Variants in KPNA4 observed in about 807,000 individuals in gnomAD.
The protein encoded by KPNA4 is karyopherin subunit alpha 4.
A neutral mutation model predicts 71.3 loss-of-function variants in KPNA4; 13 were observed. That is an observed-to-expected ratio of 0.18 (90% confidence interval 0.12 to 0.29). The LOEUF (loss-of-function observed/expected upper bound fraction) is 0.29, where lower values mean the gene tolerates loss of function less well. KPNA4 is among the 10% of genes least tolerant of loss of function. The pLI, the probability that KPNA4 is intolerant of heterozygous loss-of-function variation, is 1.00. For synonymous variants in KPNA4, 189 were observed against 195.2 expected (o/e 0.97, Z 0.26); for missense variants, 334 against 603.2 (o/e 0.55, Z 4.67).
chr3:160,514,305 T>A, intron 12 of KPNA4, 124 bp from the exon 13 acceptor site: 2 of 605,664 alleles, frequency 3.3e-6, no homozygotes, highest in East Asian at 7.1e-5. Context: ...ATAATAAAAA[T>A]CTCAGGAATC....
At chr3:160,560,331 G>T (rs1420037257) in intron 1 of KPNA4, among the ~76,000 whole-genome samples, 1 of 152,050 alleles carries the variant, frequency 6.6e-6, no homozygotes, top group Non-Finnish European at 1.5e-5. Flanking sequence ...AAGATTGAGA[G>T]AAATGTGAAT....
At chr3:160,506,990 C>T (rs1720996296) in intron 15 of KPNA4, among the ~76,000 whole-genome samples, 1 of 152,144 alleles carries the variant, frequency 6.6e-6, no homozygotes, top group Admixed American at 6.6e-5. Flanking sequence ...TTTTCAACTT[C>T]TGTCAGAAAT....
At chr3:160,559,528 C>T (rs781525663) in intron 1 of KPNA4, among the ~76,000 whole-genome samples, 2 of 152,164 alleles carry the variant, frequency 1.3e-5, no homozygotes, top group Non-Finnish European at 2.9e-5. Context: ...GTAAATGTTA[C>T]ATCTGAAGTG....
intron 7 of KPNA4, among the ~76,000 whole-genome samples, chr3:160,530,350 A>G (rs536250395): frequency 6.6e-6 from 1 of 152,062 alleles, no homozygotes; most frequent in South Asian, 2.1e-4. Flanking sequence ...ACAGTGGCAC[A>G]TGCCTGTAGT....
chr3:160,500,139 T>A lies in KPNA4; in HGVS notation c.*1965A>T, dbSNP rs1020842174. 6.6e-6 allele frequency: 1 copy of A among 151,346 alleles called. No individual in the cohort carries two copies. Among genetic ancestry groups the A allele is most frequent in the Non-Finnish European group, 1.5e-5 (1 of 67,666 alleles). 9.4% of individuals were successfully genotyped at this position (151,346 alleles called of 1,614,324 possible). ...CTCTAACTTTATAAAAAAAAAAAAA[T>A]CCACACACCACACACACACACCCCA... On this transcript the variant is annotated 3_prime_UTR_variant, in exon 17 of 17. Transcript: ENST00000334256.
At chr3:160,554,198 T>C (rs924957048) in intron 1 of KPNA4, among the ~76,000 whole-genome samples, 1 of 152,236 alleles carries the variant, frequency 6.6e-6, no homozygotes, top group African/African-American at 2.4e-5. Flanking sequence ...TTAATATTAA[T>C]GTAACAGCTT....
chr3:160,521,046 G>A (rs893376447), intron 11 of KPNA4, among the ~76,000 whole-genome samples: 9 of 152,086 alleles, frequency 5.9e-5, no homozygotes, highest in African/African-American at 2.2e-4. Context: ...ATTTAAATAA[G>A]TGAAAAGCAA....
intron 7 of KPNA4, among the ~76,000 whole-genome samples, chr3:160,528,968 C>T (rs1721515499): frequency 6.6e-6 from 1 of 152,166 alleles, no homozygotes; most frequent in Non-Finnish European, 1.5e-5. Flanking sequence ...TACTCTGCTG[C>T]CCAGACTGGA....
rs1721023371 is a variant in KPNA4, at chr3:160,508,165, T to C, written c.1314A>G (p.Ile438Met). Residue 438 changes from isoleucine to methionine, a missense_variant, in exon 15 of 17, where the codon ATA becomes ATG. Physicochemically the swap from Ile to Met is conservative, Grantham distance 10. Coordinates refer to ENST00000334256, the MANE Select transcript of KPNA4 (RefSeq NM_002268.5). Reference protein sequence around the residue: ...VQVVLDGLSNILKMAEDEAET... With the variant: ...VQVVLDGLSNMLKMAEDEAET... Reference sequence around the variant, plus strand: ...CTGCCTCATCTTCAGCCATTTTTAATATATTACTTAGTCCATCGAGTACTA... The same window carrying C: ...CTGCCTCATCTTCAGCCATTTTTAACATATTACTTAGTCCATCGAGTACTA... 1 of 1,611,632 alleles carries C rather than the reference T, an allele frequency of 6.2e-7. No individual in the cohort carries two copies. The highest frequency in any genetic ancestry group is 8.5e-7 in the Non-Finnish European group (1 of 1,179,114).
intron 5 of KPNA4, 151 bp from the exon 6 acceptor site, chr3:160,531,708 C>T: frequency 2.4e-6 from 1 of 425,434 alleles, no homozygotes; most frequent in Non-Finnish European, 4.2e-6. Context: ...GCAACCTTTT[C>T]TCTAAATTTA....
At chr3:160,539,376 T>C (rs1019418545) in intron 1 of KPNA4, among the ~76,000 whole-genome samples, 15 of 152,226 alleles carry the variant, frequency 9.9e-5, no homozygotes, top group Non-Finnish European at 1.6e-4. Flanking sequence ...ATAATCATTA[T>C]AGCCTTATGA....
At chr3:160,548,411 C>G (rs1360350587) in intron 1 of KPNA4, among the ~76,000 whole-genome samples, 1 of 152,114 alleles carries the variant, frequency 6.6e-6, no homozygotes, top group Non-Finnish European at 1.5e-5. Context: ...CCAAAACTAT[C>G]CTGGTCTTGC....
intron 1 of KPNA4, among the ~76,000 whole-genome samples, chr3:160,543,287 T>C (rs1577059836): frequency 6.6e-6 from 1 of 152,246 alleles, no homozygotes; most frequent in East Asian, 1.9e-4. Context: ...ATTAATTCCT[T>C]CACTTGTAAA....
At chr3:160,547,813 G>A (rs1324214882) in intron 1 of KPNA4, among the ~76,000 whole-genome samples, 1 of 152,088 alleles carries the variant, frequency 6.6e-6, no homozygotes, top group Non-Finnish European at 1.5e-5. Context: ...GAAGTATAGA[G>A]TATACAGTCT....
chr3:160,530,013 T>G (rs1721540349), intron 7 of KPNA4, among the ~76,000 whole-genome samples: 1 of 151,276 alleles, frequency 6.6e-6, no homozygotes, highest in African/African-American at 2.4e-5. Flanking sequence ...TGGGCGCCTG[T>G]AGCCCCAGGT....
intron 11 of KPNA4, among the ~76,000 whole-genome samples, chr3:160,518,312 T>C (rs373205400): frequency 1.3e-5 from 2 of 151,278 alleles, no homozygotes; most frequent in South Asian, 2.1e-4. Flanking sequence ...ATTTTTTGTA[T>C]TTTTAGTAGA....
intron 16 of KPNA4, among the ~76,000 whole-genome samples, chr3:160,504,474 TA>T (rs1164866935): frequency 6.6e-6 from 1 of 152,200 alleles, no homozygotes; most frequent in Non-Finnish European, 1.5e-5. Flanking sequence ...AATCTGAAGA[TA>T]TTTTTGTATA....
At position 160,495,916 on chromosome 3, in the gene KPNA4, CT is replaced by C. The variant is rs10714139; in HGVS notation, c.*6187del. The C allele has an allele frequency of 0.21, 27,941 of 133,062 alleles. 2,760 individuals are homozygous for C. The highest frequency in any genetic ancestry group is 0.24 in the Non-Finnish European group (14,761 of 62,364). 8.2% of individuals were successfully genotyped at this position (133,062 alleles called of 1,614,324 possible). ...ACAATTATGAATCAAAAGATGGAGT[CT>C]TTTTTTTTTTTTTTTTAAGGTAAAT... On this transcript the variant is annotated 3_prime_UTR_variant, in exon 17 of 17. Coordinates refer to ENST00000334256, the MANE Select transcript of KPNA4 (RefSeq NM_002268.5).
chr3:160,563,221 A>G (rs180766648), intron 1 of KPNA4, among the ~76,000 whole-genome samples: 148 of 152,348 alleles, frequency 9.7e-4, no homozygotes, highest in African/African-American at 3.5e-3. Context: ...TGAAACATTG[A>G]TACATTCTTG....
Sources: gnomAD v4.1 joint callset for allele counts (sites outside exome capture counted in the v4.1 genomes callset) on GRCh38, gnomAD v4.1.1 for gene constraint, MANE v1.5 for transcripts, NCBI Gene and HGNC (gene_info 2026-07-23, HGNC 2026-07-21) for gene names.